GPHA2: variants seen among roughly 807,000 people sequenced by gnomAD.
The protein encoded by GPHA2 is glycoprotein hormone alpha-2.
Under a neutral mutation model 15.3 loss-of-function variants are expected in GPHA2, and 12 were observed. That is an observed-to-expected ratio of 0.78 (90% CI 0.50 to 1.27). The LOEUF is 1.27. GPHA2 is among the 50% of genes most tolerant of loss of function. The pLI, the probability that GPHA2 is intolerant of heterozygous loss-of-function variation, is 0.00. For synonymous variants in GPHA2, 61 were observed against 66.8 expected (o/e 0.91, Z 0.42); for missense variants, 156 against 169.5 (o/e 0.92, Z 0.44).
intron 1 of GPHA2, 78 bp from the exon 2 acceptor site, chr11:64,935,538 G>T: frequency 1.0e-6 from 1 of 963,066 alleles, no homozygotes; most frequent in Non-Finnish European, 1.5e-6. Context: ...CATTCCAGGT[G>T]AGTGAGCCAG....
chr11:64,936,882 AC>A (rs1343740034), upstream of GPHA2, among the ~76,000 whole-genome samples: 2 of 152,200 alleles, frequency 1.3e-5, no homozygotes, highest in Non-Finnish European at 2.9e-5. Context: ...GAAGTTATCA[AC>A]CCCAGCAAAG....
intron 2 of GPHA2, 31 bp from the exon 3 acceptor site, chr11:64,935,206 G>A (rs375287225): frequency 4.2e-5 from 67 of 1,584,500 alleles, no homozygotes; most frequent in Admixed American, 5.5e-5. Context: ...AGTAGACGGC[G>A]CCTCTGCCAA....
intron 3 of GPHA2, 26 bp from the exon 4 acceptor site, chr11:64,934,900 C>T: frequency 1.2e-6 from 2 of 1,610,452 alleles, no homozygotes; most frequent in Non-Finnish European, 1.7e-6. Context: ...GTCCGTGCTG[C>T]AGTCCCCTTT....
Position 64,935,476 on chromosome 11 carries a change from G to A in GPHA2, c.1-16C>T, listed in dbSNP as rs775268746. 6.5e-7 allele frequency: 1 copy of A among 1,549,486 alleles called. No homozygotes were observed. The highest frequency in any genetic ancestry group is 8.8e-7 in the Non-Finnish European group (1 of 1,138,768). ...CCATAGGCATCTGAAACACAGTGGG[G>A]AGATGTCTCTACGTGGGTGTGCAGG... On this transcript the variant is annotated splice_polypyrimidine_tract_variant and intron_variant, in intron 1 of 3. Coordinates refer to ENST00000279168, the MANE Select transcript of GPHA2 (RefSeq NM_130769.4).
chr11:64,937,416 C>T (rs1945303740), upstream of GPHA2: 1 of 152,160 alleles, frequency 6.6e-6, no homozygotes, highest in Non-Finnish European at 1.5e-5. Flanking sequence ...AGGCTGTAAA[C>T]GCAATTTGAG....
chr11:64,937,061 A>C (rs1300546347), upstream of GPHA2, among the ~76,000 whole-genome samples: 1 of 152,182 alleles, frequency 6.6e-6, no homozygotes. Flanking sequence ...GGCAAGCTGG[A>C]GAAAGACCCC....
upstream of GPHA2, chr11:64,937,539 AGTCC>A (rs1565113767): frequency 6.6e-6 from 1 of 152,306 alleles, no homozygotes; most frequent in Non-Finnish European, 1.5e-5. Flanking sequence ...CCTCCGCAGC[AGTCC>A]ACCTCTTCTC....
In GPHA2 at chr11:64,935,394, C is replaced by T. The variant is rs1177490512; in HGVS notation, c.67G>A (p.Gly23Ser). The T allele has an allele frequency of 6.2e-7, 1 of 1,608,720 alleles. No homozygotes were observed. Among genetic ancestry groups the T allele is most frequent in the African/African-American group, 1.3e-5 (1 of 74,676 alleles). The stretch of plus-strand genomic sequence containing the variant: ...CAGCCTGGGATGACTGCCTCCTGGC[C>T]CCAGGCTTCAGTGACTGCCAGGACC... ...LLVLAVTEAW[G>S]QEAVIPGCHL... The change falls in exon 2 of 4, where the codon GGC (glycine) becomes AGC (serine). Residue 23 changes from glycine to serine, a missense_variant. By Grantham distance (56) the Gly-to-Ser change is moderately conservative. Transcript: ENST00000279168.
In GPHA2 at chr11:64,934,736, C is replaced by G. The variant is rs1945270059; in HGVS notation, c.*37G>C. 2 of 1,540,488 alleles carry G rather than the reference C, an allele frequency of 1.3e-6. No homozygotes were observed. The highest frequency in any genetic ancestry group is 2.7e-5 in the African/African-American group (2 of 73,458). On this transcript the variant is annotated 3_prime_UTR_variant, in exon 4 of 4. Coordinates refer to ENST00000279168, the MANE Select transcript of GPHA2 (RefSeq NM_130769.4). ...GGTTTCCCCCACCAGAACGTCAAGC[C>G]CTGTGACCCAGGGGAGGAAGGAGGG...
chr11:64,935,089 T>C lies in GPHA2; in HGVS notation c.190A>G (p.Ser64Gly). 1 of 1,613,866 alleles carries C rather than the reference T, an allele frequency of 6.2e-7. No individual in the cohort carries two copies. The highest frequency in any genetic ancestry group is 8.5e-7 in the Non-Finnish European group (1 of 1,179,942). The change falls in exon 3 of 4, where the codon AGC becomes GGC. Residue 64 changes from serine to glycine, a missense_variant. Physicochemically the swap from Ser to Gly is moderately conservative, Grantham distance 56 (BLOSUM62 0). Transcript: ENST00000279168. ...AQACVGHCES[S>G]AFPSRYSVLV... is the part of the protein sequence containing the mutation. ...ACAGAGTACCGAGAAGGGAAGGCGC[T>C]GGACTCACAGTGGCCCACACAGGCC...
intron 1 of GPHA2, 113 bp downstream of exon 1, chr11:64,935,721 G>C (rs1451206261): frequency 2.8e-6 from 1 of 359,552 alleles, no homozygotes; most frequent in South Asian, 8.0e-5. Flanking sequence ...AATTTTCTTC[G>C]CCATCTGGAG....
At chr11:64,937,452 A>C (rs1011114782), upstream of GPHA2, 1 of 152,168 alleles carries the variant, frequency 6.6e-6, no homozygotes, top group African/African-American at 2.4e-5. Flanking sequence ...TAATGTCACT[A>C]ATCCTTAAAT....
Position 64,935,132 on chromosome 11 carries a change from C to T in GPHA2, c.147G>A (p.Gln49=). 6.2e-7 allele frequency: 1 copy of T among 1,613,976 alleles called. No individual in the cohort carries two copies. Among genetic ancestry groups the T allele is most frequent in the South Asian group, 1.1e-5 (1 of 91,056 alleles). The change falls in exon 3 of 4, where the codon CAG becomes CAA. Residue 49 remains glutamine (Q), a synonymous_variant. Coordinates refer to ENST00000279168, the MANE Select transcript of GPHA2 (RefSeq NM_130769.4). ...CACAGGCCTGTGCCACGTGGGAGCCCTGGCAGGTGCCTTGGCGGTCACTTC... is the reference window on the plus strand; with the variant it reads ...CACAGGCCTGTGCCACGTGGGAGCCTTGGCAGGTGCCTTGGCGGTCACTTC... ...TVRSDRQGTC[Q]GSHVAQACVG...
rs377093863 is a variant in GPHA2 at position 64,934,972 on chromosome 11, G to A, written c.288+19C>T. On this transcript the variant is annotated intron_variant, in intron 3 of 3. Coordinates refer to ENST00000279168, the MANE Select transcript of GPHA2 (RefSeq NM_130769.4). ...CCCGCGACCCCAGCGTCCATCCACC[G>A]GGCCCGGGCCCTCCTCACCTTCTTC... is the stretch of plus-strand genomic sequence containing the variant. 5.8e-4 allele frequency: 933 copies of A among 1,613,744 alleles called. No individual in the cohort carries two copies. Among genetic ancestry groups the A allele is most frequent in the Non-Finnish European group, 7.2e-4 (850 of 1,179,880 alleles).
At chr11:64,935,309 C>A in intron 2 of GPHA2, 49 bp downstream of exon 2, 1 of 1,500,966 alleles carries the variant, frequency 6.7e-7, no homozygotes, top group South Asian at 1.2e-5. Context: ...TCTTTGCTCC[C>A]ACCCAGAACC....
At chr11:64,935,979 C>T (rs1355963749), upstream of GPHA2, 1 of 152,512 alleles carries the variant, frequency 6.6e-6, no homozygotes, top group African/African-American at 2.4e-5. Flanking sequence ...CCAGCCTCCC[C>T]TGCCTGAAGC....
At chr11:64,936,828 C>G (rs1477688733), upstream of GPHA2, among the ~76,000 whole-genome samples, 2 of 152,068 alleles carry the variant, frequency 1.3e-5, no homozygotes, top group African/African-American at 4.8e-5. Flanking sequence ...CTGGAGTGCT[C>G]CCCTAGCCCT....
chr11:64,935,799 C>G (rs1945287481), intron 1 of GPHA2, 35 bp downstream of exon 1: 1 of 199,084 alleles, frequency 5.0e-6, no homozygotes, highest in African/African-American at 2.3e-5. Flanking sequence ...ATTCCCAGAC[C>G]CTCCCCAGAG....
At chr11:64,935,258 G>A (rs1391815855) in intron 2 of GPHA2, 83 bp from the exon 3 acceptor site, 2 of 1,501,432 alleles carry the variant, frequency 1.3e-6, no homozygotes, top group Non-Finnish European at 1.8e-6. Flanking sequence ...GCCTCAGTGT[G>A]GGGCCCTTTA....
Sources: allele counts gnomAD v4.1 joint callset (sites outside exome capture counted in the v4.1 genomes callset), GRCh38; gene constraint gnomAD v4.1.1; transcripts MANE v1.5; gene names NCBI Gene and HGNC (gene_info 2026-07-23, HGNC 2026-07-21).